The following TMC1 variants were observed in gnomAD, a reference collection of about 807,000 sequenced individuals.
TMC1 encodes transmembrane channel like 1.
A neutral mutation model predicts 105.8 loss-of-function variants in TMC1; 84 were observed. The observed-to-expected ratio is 0.79, with a 90% CI of 0.67 to 0.95. The LOEUF is 0.95. TMC1 is among the 40% of genes least tolerant of loss of function. The pLI, the probability that TMC1 is intolerant of heterozygous loss-of-function variation, is 0.00. For missense variants in TMC1, 817 were observed against 914.1 expected (o/e 0.89, Z 1.37); for synonymous variants, 315 against 311.5 (o/e 1.01, Z -0.12).
intron 8 of TMC1, among the ~76,000 whole-genome samples, chr9:72,714,119 T>C (rs1261913211): frequency 1.3e-5 from 2 of 152,234 alleles, no homozygotes; most frequent in African/African-American, 4.8e-5. Context: ...TTGATTGCAC[T>C]GTGGTCTGAG....
chr9:72,579,199 C>T (rs1410026092), intron 2 of TMC1, among the ~76,000 whole-genome samples: 1 of 152,208 alleles, frequency 6.6e-6, no homozygotes, highest in Non-Finnish European at 1.5e-5. Flanking sequence ...TATTTACTCA[C>T]ACTGATCCTT....
chr9:72,670,896 G>T (rs1826117938), intron 5 of TMC1, among the ~76,000 whole-genome samples: 2 of 152,198 alleles, frequency 1.3e-5, no homozygotes, highest in African/African-American at 4.8e-5. Context: ...CACTATGTAT[G>T]AAATGGTGTA....
At position 72,532,079 on chromosome 9, in the gene TMC1, C is replaced by T. The variant is rs574272827; in HGVS notation, c.-428+10166C>T. On this transcript the variant is annotated intron_variant, in intron 1 of 23. Transcript: ENST00000297784. ...CCCAAGCAGCTGGGACTACAGGCAT[C>T]CACCAGCATGCCCGGCTAATTTTGT... Among the ~76,000 whole-genome samples, 4 of 152,084 alleles carry T rather than the reference C, an allele frequency of 2.6e-5. No individual in the cohort carries two copies. The East Asian group carries it at 5.9e-4, about 22-fold the overall frequency.
chr9:72,745,428 A>G (rs1827473502), intron 10 of TMC1, among the ~76,000 whole-genome samples: 1 of 152,196 alleles, frequency 6.6e-6, no homozygotes, highest in South Asian at 2.1e-4. Flanking sequence ...CATAAAAAGT[A>G]TTCTACGAGG....
chr9:72,544,602 C>T (rs1467678782), intron 1 of TMC1, among the ~76,000 whole-genome samples: 1 of 150,702 alleles, frequency 6.6e-6, no homozygotes, highest in Middle Eastern at 3.4e-3. Flanking sequence ...GACTCAGCGT[C>T]CTGAGTAACT....
chr9:72,649,164 A>G (rs1161950321), intron 5 of TMC1, among the ~76,000 whole-genome samples: 1 of 152,212 alleles, frequency 6.6e-6, no homozygotes, highest in Non-Finnish European at 1.5e-5. Flanking sequence ...TAGGATATTT[A>G]TGTGAAGGAA....
intron 17 of TMC1, among the ~76,000 whole-genome samples, chr9:72,794,655 A>G (rs943710768): frequency 1.3e-5 from 2 of 152,206 alleles, no homozygotes; most frequent in Non-Finnish European, 2.9e-5. Context: ...AGTTAAAGGA[A>G]CACCTACACA....
chr9:72,576,614 A>G (rs967087406), intron 1 of TMC1, among the ~76,000 whole-genome samples: 10 of 129,604 alleles, frequency 7.7e-5, no homozygotes, highest in African/African-American at 9.6e-5. Context: ...TGGACTCCCA[A>G]TTTCTTTTTT....
At chr9:72,706,970 T>C (rs1826752847) in intron 8 of TMC1, among the ~76,000 whole-genome samples, 1 of 152,138 alleles carries the variant, frequency 6.6e-6, no homozygotes, top group South Asian at 2.1e-4. Context: ...AGATGGGGTT[T>C]TGCCATGTTG....
intron 5 of TMC1, among the ~76,000 whole-genome samples, chr9:72,678,433 C>T (rs1480923292): frequency 3.9e-5 from 6 of 151,972 alleles, no homozygotes; most frequent in Non-Finnish European, 5.9e-5. Context: ...CTCATGCTTA[C>T]GGGTTTGAAT....
chr9:72,816,168 G>C lies in TMC1; in HGVS notation c.1721G>C (p.Ser574Thr). ...GYPSYTEFDI[S>T]GNVLALIFNQ... ...CCTTCATACACCGAATTCGACATCAGTGGCAACGTCCTCGCTCTGATCTTC... is the reference window on the plus strand; with the variant it reads ...CCTTCATACACCGAATTCGACATCACTGGCAACGTCCTCGCTCTGATCTTC... The change falls in exon 19 of 24, where the codon AGT becomes ACT. Residue 574 changes from serine to threonine, a missense_variant. By Grantham distance (58) the Ser-to-Thr change is moderately conservative. Transcript: ENST00000297784. The C allele has an allele frequency of 6.2e-7, 1 of 1,613,538 alleles. No homozygotes were observed. The highest frequency in any genetic ancestry group is 8.5e-7 in the Non-Finnish European group (1 of 1,179,564).
chr9:72,593,181 A>AGAAC (rs1410308530), intron 2 of TMC1, among the ~76,000 whole-genome samples: 1 of 152,160 alleles, frequency 6.6e-6, no homozygotes, highest in African/African-American at 2.4e-5. Context: ...TTTTATTGAA[A>AGAAC]GAACACATGG....
chr9:72,783,857 A>C (rs757699615), intron 13 of TMC1, among the ~76,000 whole-genome samples: 3 of 152,142 alleles, frequency 2.0e-5, no homozygotes, highest in Non-Finnish European at 2.9e-5. Flanking sequence ...TCAAAGCTGG[A>C]CTCTTTCCTT....
intron 4 of TMC1, among the ~76,000 whole-genome samples, chr9:72,633,130 G>A (rs374426457): frequency 6.6e-6 from 1 of 152,264 alleles, no homozygotes; most frequent in East Asian, 1.9e-4. Context: ...AAAAGAATAG[G>A]TGGAATTTTT....
At chr9:72,790,271 C>T (rs910489630) in intron 15 of TMC1, among the ~76,000 whole-genome samples, 1 of 152,126 alleles carries the variant, frequency 6.6e-6, no homozygotes, top group Non-Finnish European at 1.5e-5. Context: ...TCTAAAAAAT[C>T]TTGGACAGCA....
intron 20 of TMC1, among the ~76,000 whole-genome samples, chr9:72,822,742 A>C (rs1828896637): frequency 6.6e-6 from 1 of 152,238 alleles, no homozygotes; most frequent in Non-Finnish European, 1.5e-5. Flanking sequence ...CTTATTATCC[A>C]GGATAAGTTT....
chr9:72,776,126 G>T (rs1828002013), intron 13 of TMC1, among the ~76,000 whole-genome samples: 1 of 152,006 alleles, frequency 6.6e-6, no homozygotes. Flanking sequence ...TATGATCCTG[G>T]CTATAATAAT....
chr9:72,630,386 G>A (rs1825428874), intron 4 of TMC1, among the ~76,000 whole-genome samples: 1 of 152,106 alleles, frequency 6.6e-6, no homozygotes. Context: ...TCTATAAAGT[G>A]GTTCAAAACT....
intron 15 of TMC1, 127 bp from the exon 16 acceptor site, chr9:72,791,759 A>T: frequency 1.2e-6 from 1 of 804,438 alleles, no homozygotes; most frequent in Non-Finnish European, 2.1e-6. Context: ...AAACGTGCAT[A>T]AAATAGTCAT....
Sources: allele counts gnomAD v4.1 joint callset (sites outside exome capture counted in the v4.1 genomes callset), GRCh38; gene constraint gnomAD v4.1.1; transcripts MANE v1.5; gene names NCBI Gene and HGNC (gene_info 2026-07-23, HGNC 2026-07-21).